Variants in GPC3 observed in about 807,000 individuals in gnomAD.
GPC3 encodes glypican-3.
GPC3 carries 3 observed loss-of-function variants against 34.4 expected under a neutral mutation model. The ratio of observed to expected loss-of-function variants is 0.09; its 90% CI spans 0.04 to 0.23. The LOEUF (loss-of-function observed/expected upper bound fraction) is 0.23. Among genes scored for constraint, GPC3 ranks in the 10% least tolerant of loss-of-function variants. The probability of loss-of-function intolerance (pLI) is 1.00; values close to 1 mark genes in which losing one functional copy is unlikely to be tolerated. For missense variants in GPC3, 351 were observed against 445.6 expected, an observed-to-expected ratio of 0.79 and a Z score of 1.91; for synonymous variants, 177 against 174.0, an observed-to-expected ratio of 1.02 and a Z score of -0.13.
chrX:133,584,922 TA>T (rs2069771432), intron 7 of GPC3, among the ~76,000 whole-genome samples: 1 of 25,819 alleles, frequency 3.9e-5, no homozygotes. Context: ...ATTAGGATTA[TA>T]AAAAGCCAAA....
chrX:133,904,524 C>T (rs1477306426), intron 2 of GPC3, among the ~76,000 whole-genome samples: 1 of 111,781 alleles, frequency 8.9e-6, no homozygotes, highest in Non-Finnish European at 1.9e-5. Flanking sequence ...TAGGACTTAG[C>T]TGTGAAGATG....
intron 2 of GPC3, among the ~76,000 whole-genome samples, chrX:133,916,653 G>A (rs1001666955): frequency 9.0e-6 from 1 of 111,170 alleles, no homozygotes; most frequent in Non-Finnish European, 1.9e-5. Flanking sequence ...CAAAAGCAGG[G>A]AGATCACTGG....
At chrX:133,788,333 C>T (rs908983681) in intron 2 of GPC3, among the ~76,000 whole-genome samples, 19 of 107,599 alleles carry the variant, frequency 1.8e-4, no homozygotes, top group Non-Finnish European at 3.6e-4. Flanking sequence ...GCTTAAAGAG[C>T]TATTTGTGGG....
intron 7 of GPC3, among the ~76,000 whole-genome samples, chrX:133,592,682 T>C (rs2069865080): frequency 1.8e-5 from 2 of 111,033 alleles, no homozygotes; most frequent in African/African-American, 6.6e-5. Context: ...CAGAGGTAAC[T>C]ATGGACTGAG....
intron 5 of GPC3, among the ~76,000 whole-genome samples, chrX:133,682,497 G>C (rs1603222941): frequency 9.0e-6 from 1 of 111,584 alleles, no homozygotes; most frequent in Non-Finnish European, 1.9e-5. Flanking sequence ...TGGTATAATA[G>C]TAATGACAAC....
At chrX:133,537,134 CAG>C (rs1235922754) in intron 7 of GPC3, among the ~76,000 whole-genome samples, 3 of 112,029 alleles carry the variant, frequency 2.7e-5, no homozygotes, top group African/African-American at 9.7e-5. Context: ...CTAAGGAAGA[CAG>C]TGGTTTATCA....
chrX:133,917,445 G>A (rs1312536510), intron 2 of GPC3, among the ~76,000 whole-genome samples: 1 of 111,804 alleles, frequency 8.9e-6, no homozygotes, highest in African/African-American at 3.2e-5. Flanking sequence ...GACTTAAACT[G>A]AAAAAGATGA....
intron 5 of GPC3, among the ~76,000 whole-genome samples, chrX:133,663,764 C>T (rs2070746425): frequency 9.0e-6 from 1 of 111,663 alleles, no homozygotes; most frequent in Non-Finnish European, 1.9e-5. Context: ...GAAACACTAA[C>T]TCATCTCAAC....
intron 2 of GPC3, among the ~76,000 whole-genome samples, chrX:133,802,346 TAACAACAACAACAAC>T (rs34458608): frequency 1.8e-5 from 2 of 109,408 alleles, no homozygotes; most frequent in African/African-American, 6.8e-5. Flanking sequence ...GACATTATAT[TAACAACAACAACAAC>T]AACAACAACA....
At chrX:133,586,230 C>G (rs2069787515) in intron 7 of GPC3, among the ~76,000 whole-genome samples, 1 of 111,704 alleles carries the variant, frequency 9.0e-6, no homozygotes, top group Non-Finnish European at 1.9e-5. Flanking sequence ...AACATTAAAG[C>G]ATGGGGAAGG....
At chrX:133,820,642 C>T (rs1253556133) in intron 2 of GPC3, among the ~76,000 whole-genome samples, 1 of 111,246 alleles carries the variant, frequency 9.0e-6, no homozygotes, top group African/African-American at 3.3e-5. Context: ...CCAGTTGGGC[C>T]ATAAGTTTGG....
Position 133,649,593 on chromosome X carries a change from C to A in GPC3, c.1413+12137G>T, listed in dbSNP as rs778915820. ...ACGAAAATTGCTCCCCATGGGGATA[C>A]CCTTATCCTATATTTGTGTCTGGCA... On this transcript the variant is annotated intron_variant, in intron 6 of 7. Transcript: ENST00000370818. Among the ~76,000 whole-genome samples, 34 of 111,528 alleles carry A rather than the reference C, an allele frequency of 3.0e-4. 1 individual carries two copies. In the Admixed American group the frequency reaches 3.2e-3, roughly 10 times the overall value.
At chrX:133,731,287 A>G (rs1259890835) in intron 3 of GPC3, among the ~76,000 whole-genome samples, 3 of 112,912 alleles carry the variant, frequency 2.7e-5, no homozygotes, top group Non-Finnish European at 5.6e-5. Context: ...TCCAGGTCAT[A>G]TGGCCTTTCT....
intron 2 of GPC3, among the ~76,000 whole-genome samples, chrX:133,757,663 T>A (rs1372665451): frequency 9.0e-6 from 1 of 111,306 alleles, no homozygotes; most frequent in Non-Finnish European, 1.9e-5. Context: ...AGGCAGTCCT[T>A]ATAGAAGCAG....
chrX:133,953,119 C>T lies in GPC3; in HGVS notation c.268G>A (p.Glu90Lys), dbSNP rs866063769. The T allele has an allele frequency of 8.3e-7, 1 of 1,206,957 alleles. No homozygotes were observed. The highest frequency in any genetic ancestry group is 1.1e-6 in the Non-Finnish European group (1 of 891,185). The change falls in exon 2 of 8, where the codon GAA becomes AAA. Residue 90 changes from glutamate to lysine, a missense_variant. Physicochemically the swap from Glu to Lys is moderately conservative, Grantham distance 56 (BLOSUM62 1). Coordinates refer to ENST00000370818, the MANE Select transcript of GPC3 (RefSeq NM_004484.4). ...KYQLTARLNM[E>K]QLLQSASMEL... ...ATACTTGCAGACTGAAGCAGCTGTTCCATGTTCAATCGTGCTGTTAGTTGG... is the reference window on the plus strand; with the variant it reads ...ATACTTGCAGACTGAAGCAGCTGTTTCATGTTCAATCGTGCTGTTAGTTGG...
At chrX:133,565,781 C>T (rs1230733747) in intron 7 of GPC3, among the ~76,000 whole-genome samples, 1 of 112,121 alleles carries the variant, frequency 8.9e-6, no homozygotes, top group African/African-American at 3.2e-5. Flanking sequence ...TAGAACTGGG[C>T]TATGAAATAA....
At chrX:133,859,270 C>A (rs2075923960) in intron 2 of GPC3, among the ~76,000 whole-genome samples, 1 of 110,669 alleles carries the variant, frequency 9.0e-6, no homozygotes, top group South Asian at 3.9e-4. Flanking sequence ...TTCAAGGCTC[C>A]ATTTCTAGGA....
intron 3 of GPC3, chrX:133,704,256 T>A (rs1253628610): frequency 1.8e-6 from 2 of 1,083,303 alleles, no homozygotes; most frequent in African/African-American, 1.9e-5. Context: ...TGAAGTGCCA[T>A]ATTTTCTTCT....
At chrX:133,851,768 G>C (rs1284900090) in intron 2 of GPC3, among the ~76,000 whole-genome samples, 2 of 111,796 alleles carry the variant, frequency 1.8e-5, no homozygotes, top group Non-Finnish European at 3.8e-5. Flanking sequence ...ATTCTTCATT[G>C]TTTCTACTGT....
Sources: allele counts gnomAD v4.1 joint callset (sites outside exome capture counted in the v4.1 genomes callset), GRCh38; gene constraint gnomAD v4.1.1; transcripts MANE v1.5; gene names NCBI Gene and HGNC (gene_info 2026-07-23, HGNC 2026-07-21).